Variants in MTSS1 observed in about 807,000 individuals in gnomAD.
MTSS1 encodes protein MTSS 1.
In MTSS1, 18 loss-of-function variants were observed where a neutral mutation model predicts 79.0. The observed-to-expected ratio is 0.23, with a 90% confidence interval of 0.16 to 0.34. MTSS1 has a LOEUF of 0.34. MTSS1 is among the 10% of genes least tolerant of loss of function. MTSS1 has a pLI of 1.00. For synonymous variants in MTSS1, 341 were observed against 368.6 expected (o/e 0.93, Z 0.86); for missense variants, 815 against 986.2 (o/e 0.83, Z 2.33).
intron 1 of MTSS1, among the ~76,000 whole-genome samples, chr8:124,707,152 G>A (rs1830490172): frequency 6.6e-6 from 1 of 152,086 alleles, no homozygotes; most frequent in African/African-American, 2.4e-5. Flanking sequence ...GGCTACACAA[G>A]GAAGAAGGAC....
intron 1 of MTSS1, among the ~76,000 whole-genome samples, chr8:124,713,388 C>T (rs1311794175): frequency 1.3e-5 from 2 of 152,054 alleles, no homozygotes; most frequent in Admixed American, 1.3e-4. Context: ...AAATAGAATC[C>T]CTCTCCTTTT....
At chr8:124,648,717 C>G (rs983125415) in intron 3 of MTSS1, among the ~76,000 whole-genome samples, 19 of 151,938 alleles carry the variant, frequency 1.3e-4, no homozygotes, top group Non-Finnish European at 2.2e-4. Flanking sequence ...CAGCCCCCCC[C>G]CAGATACTGA....
chr8:124,576,611 G>A (rs974163241), intron 6 of MTSS1, among the ~76,000 whole-genome samples: 3 of 152,164 alleles, frequency 2.0e-5, no homozygotes, highest in African/African-American at 4.8e-5. Flanking sequence ...ACTAATAAAT[G>A]GAGGCTGGAG....
chr8:124,681,662 C>T (rs960679204), intron 3 of MTSS1, among the ~76,000 whole-genome samples: 2 of 152,080 alleles, frequency 1.3e-5, no homozygotes, highest in African/African-American at 4.8e-5. Flanking sequence ...GTGGCAGGTG[C>T]CTGTAATCTC....
chr8:124,601,310 C>T (rs1490017941), intron 3 of MTSS1, among the ~76,000 whole-genome samples: 1 of 152,132 alleles, frequency 6.6e-6, no homozygotes, highest in East Asian at 1.9e-4. Flanking sequence ...GATCCACCCG[C>T]CTTGACCTCC....
intron 12 of MTSS1, 34 bp downstream of exon 12, chr8:124,556,198 G>A (rs1260679347): frequency 8.1e-6 from 13 of 1,613,820 alleles, no homozygotes; most frequent in Non-Finnish European, 1.0e-5. Flanking sequence ...AGGCTGAGGT[G>A]GCCCCAACCA....
chr8:124,625,191 C>A (rs1814422063), intron 3 of MTSS1, among the ~76,000 whole-genome samples: 1 of 152,166 alleles, frequency 6.6e-6, no homozygotes, highest in African/African-American at 2.4e-5. Context: ...CTCTGCCTCT[C>A]TTTAGTTACA....
At chr8:124,691,386 T>C (rs1274835782) in intron 3 of MTSS1, among the ~76,000 whole-genome samples, 2 of 152,264 alleles carry the variant, frequency 1.3e-5, no homozygotes, top group African/African-American at 4.8e-5. Context: ...ATCATTTTTA[T>C]AGATTTTATT....
intron 5 of MTSS1, among the ~76,000 whole-genome samples, chr8:124,586,653 C>A (rs952894939): frequency 6.6e-6 from 1 of 152,094 alleles, no homozygotes; most frequent in Non-Finnish European, 1.5e-5. Context: ...AAGGCTGAAT[C>A]GAAAAGATGA....
chr8:124,662,527 C>T (rs1339405454), intron 3 of MTSS1, among the ~76,000 whole-genome samples: 1 of 152,148 alleles, frequency 6.6e-6, no homozygotes, highest in Non-Finnish European at 1.5e-5. Context: ...CCTGGAGAGC[C>T]TTTCCCCAAT....
intron 6 of MTSS1, among the ~76,000 whole-genome samples, chr8:124,580,900 T>C (rs140995862): frequency 6.8e-4 from 104 of 152,162 alleles, no homozygotes; most frequent in African/African-American, 2.4e-3. Context: ...ACCTTTCGAG[T>C]GTCATTTACC....
intron 3 of MTSS1, among the ~76,000 whole-genome samples, chr8:124,695,950 C>G (rs1175184052): frequency 1.3e-5 from 2 of 150,202 alleles, no homozygotes; most frequent in African/African-American, 4.9e-5. Context: ...CCGGGAGGGG[C>G]GGGGAAGTGG....
At chr8:124,641,905 T>A (rs1818122203) in intron 3 of MTSS1, among the ~76,000 whole-genome samples, 1 of 152,110 alleles carries the variant, frequency 6.6e-6, no homozygotes, top group Non-Finnish European at 1.5e-5. Context: ...AAATCTTTTT[T>A]CCCCTCTTCC....
chr8:124,727,637 G>A lies in MTSS1; in HGVS notation c.72+247C>T. 1 of 650,322 alleles carries A rather than the reference G, an allele frequency of 1.5e-6. No homozygotes were observed. The highest frequency in any genetic ancestry group is 2.8e-6 in the Non-Finnish European group (1 of 351,534). The allele number at this position is 650,322 out of a possible 1,614,324, so 40.3% of individuals were successfully genotyped here. On this transcript the variant is annotated intron_variant, in intron 1 of 13. Coordinates refer to ENST00000518547, the MANE Select transcript of MTSS1 (RefSeq NM_014751.6). This position sits in a 1 kb window ranked among gnomAD's most constrained non-coding sequence, Gnocchi z 4.7. Reference sequence around the variant, plus strand: ...GGAAAGAAATGGTGCCGCCCCCTGGGACAATGAGCGGGGGAGATGGCGTGG... The same window carrying A: ...GGAAAGAAATGGTGCCGCCCCCTGGAACAATGAGCGGGGGAGATGGCGTGG...
chr8:124,671,423 C>T (rs1377995449), intron 3 of MTSS1, among the ~76,000 whole-genome samples: 4 of 152,178 alleles, frequency 2.6e-5, no homozygotes, highest in Non-Finnish European at 5.9e-5. Flanking sequence ...CTTGCCAAGT[C>T]CTCAAGGGCC....
At chr8:124,692,897 G>C (rs1321886887) in intron 3 of MTSS1, among the ~76,000 whole-genome samples, 2 of 152,158 alleles carry the variant, frequency 1.3e-5, no homozygotes, top group Non-Finnish European at 2.9e-5. Context: ...ATCTGGGAAA[G>C]TGAGTTCCTC....
At chr8:124,662,898 G>A (rs776198136) in intron 3 of MTSS1, among the ~76,000 whole-genome samples, 4 of 152,096 alleles carry the variant, frequency 2.6e-5, no homozygotes, top group East Asian at 1.9e-4. Context: ...TAAAGCTCAC[G>A]GAAATCAAGG....
At chr8:124,645,746 AG>A (rs1175671323) in intron 3 of MTSS1, among the ~76,000 whole-genome samples, 1 of 152,210 alleles carries the variant, frequency 6.6e-6, no homozygotes, top group Non-Finnish European at 1.5e-5. Context: ...GAAAGCAAAA[AG>A]GATCATAAGC....
At chr8:124,563,382 T>C (rs1825747948) in intron 9 of MTSS1, 1 of 238,324 alleles carries the variant, frequency 4.2e-6, no homozygotes, top group African/African-American at 2.3e-5. Context: ...ACAGGGTTAA[T>C]CTGCCTGCAG....
Sources: allele counts gnomAD v4.1 joint callset (sites outside exome capture counted in the v4.1 genomes callset), GRCh38; gene constraint gnomAD v4.1.1; non-coding constraint Gnocchi (gnomAD v3.1); transcripts MANE v1.5; gene names NCBI Gene and HGNC (gene_info 2026-07-23, HGNC 2026-07-21).